C1orf87: variants seen among roughly 807,000 people sequenced by gnomAD.
The protein encoded by C1orf87 is uncharacterized protein C1orf87.
Under a neutral mutation model 60.5 loss-of-function variants are expected in C1orf87, and 58 were observed. That is an observed-to-expected ratio of 0.96 (90% CI 0.78 to 1.19). The LOEUF (loss-of-function observed/expected upper bound fraction) is 1.19, where lower values mean the gene tolerates loss of function less well. Ranked by LOEUF, C1orf87 falls within the 50% of genes most tolerant of loss-of-function variation. The probability of loss-of-function intolerance (pLI) is 0.00; values close to 1 mark genes in which losing one functional copy is unlikely to be tolerated. For synonymous variants in C1orf87, 236 were observed against 227.4 expected (o/e 1.04, Z -0.34); for missense variants, 673 against 638.6 (o/e 1.05, Z -0.58).
intron 2 of C1orf87, among the ~76,000 whole-genome samples, chr1:60,058,982 CT>C (rs1474239448): frequency 6.6e-6 from 1 of 152,090 alleles, no homozygotes; most frequent in Non-Finnish European, 1.5e-5. Context: ...GACAGAATTG[CT>C]TGAGAAATGT....
intron 11 of C1orf87, among the ~76,000 whole-genome samples, chr1:59,996,267 T>TA (rs1644963441): frequency 6.6e-6 from 1 of 152,206 alleles, no homozygotes; most frequent in Non-Finnish European, 1.5e-5. Flanking sequence ...TGAACCACAG[T>TA]ATGTAAATAA....
intron 7 of C1orf87, 90 bp downstream of exon 7, chr1:60,033,386 T>C (rs929177184): frequency 2.4e-6 from 3 of 1,233,052 alleles, no homozygotes; most frequent in African/African-American, 1.5e-5. Context: ...ACAGGCAGAA[T>C]ATGGATCAGC....
intron 8 of C1orf87, among the ~76,000 whole-genome samples, chr1:60,011,747 A>G (rs999721573): frequency 6.6e-6 from 1 of 152,150 alleles, no homozygotes; most frequent in African/African-American, 2.4e-5. Flanking sequence ...AAATAAAATG[A>G]GTTAAATAGG....
At chr1:60,004,475 A>T (rs1645028802) in intron 9 of C1orf87, among the ~76,000 whole-genome samples, 1 of 151,996 alleles carries the variant, frequency 6.6e-6, no homozygotes, top group Admixed American at 6.6e-5. Flanking sequence ...TTATCCTTTT[A>T]AAAATAAGAT....
intron 5 of C1orf87, 121 bp from the exon 6 acceptor site, chr1:60,038,228 A>T (rs1233744416): frequency 6.2e-5 from 32 of 517,026 alleles, no homozygotes; most frequent in Non-Finnish European, 1.0e-4. Flanking sequence ...ACACTTAAAA[A>T]TATAGTATCA....
intron 2 of C1orf87, among the ~76,000 whole-genome samples, chr1:60,061,107 C>T (rs1442172050): frequency 6.6e-6 from 1 of 152,088 alleles, no homozygotes; most frequent in Non-Finnish European, 1.5e-5. Flanking sequence ...CTGGATGCAT[C>T]CACATGGTCT....
At chr1:60,004,361 GTTATTA>G (rs1269651322) in intron 9 of C1orf87, among the ~76,000 whole-genome samples, 1 of 151,978 alleles carries the variant, frequency 6.6e-6, no homozygotes, top group African/African-American at 2.4e-5. Context: ...CTGTTGTTGT[GTTATTA>G]TTATTATGTG....
chr1:60,039,937 T>C lies in C1orf87; in HGVS notation c.727A>G (p.Lys243Glu). 1 of 1,613,820 alleles carries C rather than the reference T, an allele frequency of 6.2e-7. No individual in the cohort carries two copies. Among genetic ancestry groups the C allele is most frequent in the African/African-American group, 1.3e-5 (1 of 74,986 alleles). Residue 243 changes from lysine (K) to glutamate (E), a missense_variant, in exon 5 of 12, where the codon AAG (lysine) becomes GAG (glutamate). By Grantham distance (56) the Lys-to-Glu change is moderately conservative (BLOSUM62 1). Transcript: ENST00000371201. ...CATACCATTTCAGGAGAACCCCTCT[T>C]AGAAAATCTCTGACAAAGGATTTTA... Reference protein sequence around the residue: ...TVKILCQRFSKRGSPEMVNYE... With the variant: ...TVKILCQRFSERGSPEMVNYE...
At chr1:60,028,336 G>T (rs946146401) in intron 7 of C1orf87, among the ~76,000 whole-genome samples, 3 of 152,108 alleles carry the variant, frequency 2.0e-5, no homozygotes, top group Admixed American at 6.5e-5. Flanking sequence ...GTACATCAGG[G>T]TTCCTAGAAG....
At chr1:60,044,005 C>G (rs1434101085) in intron 3 of C1orf87, among the ~76,000 whole-genome samples, 1 of 152,148 alleles carries the variant, frequency 6.6e-6, no homozygotes, top group African/African-American at 2.4e-5. Flanking sequence ...CTAGACATCA[C>G]AGGCTGAGTC....
At chr1:60,026,587 C>CAAGG (rs1237596247) in intron 7 of C1orf87, among the ~76,000 whole-genome samples, 11 of 148,918 alleles carry the variant, frequency 7.4e-5, no homozygotes, top group Non-Finnish European at 1.2e-4. Context: ...AGTGGGGTAT[C>CAAGG]AAGGAAGGAA....
intron 6 of C1orf87, among the ~76,000 whole-genome samples, chr1:60,034,758 A>G (rs1645263610): frequency 6.6e-6 from 1 of 152,082 alleles, no homozygotes. Context: ...TCCAACTTGC[A>G]GTCACATCTC....
chr1:60,038,535 G>GA (rs201224643), intron 5 of C1orf87, among the ~76,000 whole-genome samples: 9 of 151,550 alleles, frequency 5.9e-5, no homozygotes, highest in African/African-American at 9.7e-5. Context: ...AAATAAACAT[G>GA]AAAAAAAATA....
intron 2 of C1orf87, among the ~76,000 whole-genome samples, chr1:60,056,306 T>C (rs999968608): frequency 6.6e-6 from 1 of 152,054 alleles, no homozygotes; most frequent in Non-Finnish European, 1.5e-5. Context: ...ATTTTAAACA[T>C]AGAAGACAGA....
intron 8 of C1orf87, among the ~76,000 whole-genome samples, chr1:60,013,195 T>C (rs1645101160): frequency 6.6e-6 from 1 of 152,102 alleles, no homozygotes; most frequent in Non-Finnish European, 1.5e-5. Context: ...GTTTCTTTAG[T>C]TGGGACTTCC....
intron 2 of C1orf87, among the ~76,000 whole-genome samples, chr1:60,064,992 C>CATTTAAATATATATATTTAATAT (rs1645532194): frequency 9.6e-5 from 1 of 10,398 alleles, no homozygotes; most frequent in African/African-American, 2.5e-4. Context: ...TTATAAAATA[C>CATTTAAATATATATATTTAATAT]ATATAAATAT....
rs1645372738 is a variant in C1orf87 at position 60,046,522 on chromosome 1, C to T, written c.343-5391G>A. On this transcript the variant is annotated intron_variant, in intron 3 of 11. Transcript: ENST00000371201. ...ACAGCCATTATTCACCACAGCCTGGCCTGAACTCCTAGACTCAAGCAATCC... is the reference window on the plus strand; with the variant it reads ...ACAGCCATTATTCACCACAGCCTGGTCTGAACTCCTAGACTCAAGCAATCC... Among the ~76,000 whole-genome samples, 11 of 150,408 alleles carry T rather than the reference C, an allele frequency of 7.3e-5. No homozygotes were observed. In the Admixed American group the frequency reaches 7.3e-4, roughly 10 times the overall value.
At chr1:60,055,508 C>G (rs1338282744) in intron 2 of C1orf87, 70 bp from the exon 3 acceptor site, 2 of 1,364,492 alleles carry the variant, frequency 1.5e-6, no homozygotes, top group African/African-American at 2.9e-5. Context: ...GGCATAAGAA[C>G]AGAAGGTGTG....
At chr1:60,016,906 T>C (rs1357441430) in intron 8 of C1orf87, among the ~76,000 whole-genome samples, 3 of 152,244 alleles carry the variant, frequency 2.0e-5, no homozygotes, top group Non-Finnish European at 4.4e-5. Context: ...CTCTGGAACT[T>C]AGGCAGTTTG....
Sources: allele counts gnomAD v4.1 joint callset (sites outside exome capture counted in the v4.1 genomes callset), GRCh38; gene constraint gnomAD v4.1.1; transcripts MANE v1.5; gene names NCBI Gene and HGNC (gene_info 2026-07-23, HGNC 2026-07-21).